VBP1: variants seen among roughly 807,000 people sequenced by gnomAD.
The protein encoded by VBP1 is prefoldin subunit 3.
Under a neutral mutation model 15.5 loss-of-function variants are expected in VBP1, and 4 were observed. The ratio of observed to expected loss-of-function variants is 0.26; its 90% CI spans 0.13 to 0.59. The LOEUF (loss-of-function observed/expected upper bound fraction) is 0.59. Among genes scored for constraint, VBP1 ranks in the 20% least tolerant of loss-of-function variants. The pLI, the probability that VBP1 is intolerant of heterozygous loss-of-function variation, is 0.90. For missense variants in VBP1, 108 were observed against 139.6 expected, an observed-to-expected ratio of 0.77 and a Z score of 1.14; for synonymous variants, 61 against 52.1, an observed-to-expected ratio of 1.17 and a Z score of -0.74.
intron 1 of VBP1, among the ~76,000 whole-genome samples, chrX:155,218,144 AT>A (rs1467180516): frequency 2.1e-4 from 24 of 111,658 alleles, no homozygotes; most frequent in African/African-American, 7.8e-4. Flanking sequence ...TGTCGTGGTT[AT>A]TTTTTTCTAG....
intron 1 of VBP1, among the ~76,000 whole-genome samples, chrX:155,206,515 T>C (rs781793148): frequency 9.0e-6 from 1 of 111,356 alleles, no homozygotes; most frequent in Non-Finnish European, 1.9e-5. Context: ...ATTACAGGTG[T>C]AAGCCACTGT....
intron 1 of VBP1, chrX:155,208,754 A>T: frequency 5.1e-6 from 2 of 395,267 alleles, no homozygotes; most frequent in Non-Finnish European, 4.2e-6. Flanking sequence ...ATTGATGCTT[A>T]TTAAATATTA....
intron 1 of VBP1, chrX:155,197,219 CTCTT>C (rs1267281989): frequency 1.8e-5 from 2 of 111,772 alleles, no homozygotes; most frequent in African/African-American, 3.2e-5. Context: ...AAAGTCACAA[CTCTT>C]TCTTTCTTAG....
intron 4 of VBP1, among the ~76,000 whole-genome samples, chrX:155,228,785 T>C (rs2074731988): frequency 8.9e-6 from 1 of 111,837 alleles, no homozygotes. Context: ...TTTATCTCTC[T>C]TAAATATAAT....
chrX:155,223,911 C>T (rs1253237650), intron 2 of VBP1, among the ~76,000 whole-genome samples: 3 of 110,102 alleles, frequency 2.7e-5, no homozygotes, highest in Non-Finnish European at 3.8e-5. Context: ...CGGAGGGGCT[C>T]CTCACCTCTC....
At chrX:155,215,509 C>T (rs1384354728), upstream of VBP1, among the ~76,000 whole-genome samples, 1 of 112,078 alleles carries the variant, frequency 8.9e-6, no homozygotes, top group Non-Finnish European at 1.9e-5. Context: ...CACAATATGA[C>T]GATACCAATT....
intron 2 of VBP1, among the ~76,000 whole-genome samples, chrX:155,223,169 G>T (rs1311462277): frequency 3.8e-5 from 2 of 53,313 alleles, no homozygotes; most frequent in Non-Finnish European, 3.5e-5. Context: ...TTGAATTTCT[G>T]TTCATAAGTG....
chrX:155,235,650 C>T (rs2074768433), intron 4 of VBP1, among the ~76,000 whole-genome samples: 1 of 112,138 alleles, frequency 8.9e-6, no homozygotes, highest in African/African-American at 3.2e-5. Flanking sequence ...TAAAAGCTAG[C>T]TGTCTTTTTT....
At chrX:155,231,933 T>G (rs1004474828) in intron 4 of VBP1, among the ~76,000 whole-genome samples, 15 of 111,934 alleles carry the variant, frequency 1.3e-4, no homozygotes, top group Non-Finnish European at 2.4e-4. Flanking sequence ...AGGCATATTT[T>G]TGTATGCTGC....
intron 4 of VBP1, among the ~76,000 whole-genome samples, chrX:155,228,923 G>T (rs1199610354): frequency 1.8e-5 from 2 of 112,363 alleles, no homozygotes; most frequent in Non-Finnish European, 3.8e-5. Flanking sequence ...ATTGCAAAAA[G>T]TTTGAGGTTA....
intron 1 of VBP1, among the ~76,000 whole-genome samples, chrX:155,219,404 C>T (rs2074678833): frequency 8.9e-6 from 1 of 112,031 alleles, no homozygotes; most frequent in Non-Finnish European, 1.9e-5. Flanking sequence ...TTCTTTTGAT[C>T]AGTTATTACT....
upstream of VBP1, among the ~76,000 whole-genome samples, chrX:155,214,768 C>CTTTTTTTTTTTTT (rs782556765): frequency 6.6e-3 from 548 of 82,992 alleles, 19 homozygotes; most frequent in African/African-American, 0.025. Flanking sequence ...TTTTCTTTTC[C>CTTTTTTTTTTTTT]TTTTTTTTTT....
upstream of VBP1, among the ~76,000 whole-genome samples, chrX:155,216,181 G>A (rs2074661792): frequency 1.8e-5 from 2 of 111,239 alleles, no homozygotes; most frequent in Non-Finnish European, 3.8e-5. Flanking sequence ...CCTATTCCTA[G>A]GGCTTTAGCA....
At chrX:155,206,320 G>A (rs917872946) in intron 1 of VBP1, among the ~76,000 whole-genome samples, 6 of 109,266 alleles carry the variant, frequency 5.5e-5, no homozygotes, top group Admixed American at 3.0e-4. Flanking sequence ...TGCAAGCTCC[G>A]CCCCTTGGGT....
rs781806426 is a variant in VBP1, at chrX:155,236,466, C to G, written c.523+99C>G. On this transcript the variant is annotated intron_variant, in intron 5 of 5. Transcript: ENST00000286428. ...AGAGGGAGAGCATTAGGAAAAATAG[C>G]TGATGCATGCTGGGCTTAATACCTA... The G allele has an allele frequency of 5.0e-5, 48 of 959,435 alleles. No individual in the cohort carries two copies. The African/African-American group carries it at 8.6e-4, about 17-fold the overall frequency. The allele number at this position is 959,435 out of a possible 1,213,427, so 79.1% of individuals were successfully genotyped here.
chrX:155,217,010 TTGTC>T (rs1445725925), intron 1 of VBP1, among the ~76,000 whole-genome samples: 1 of 111,999 alleles, frequency 8.9e-6, no homozygotes, highest in Admixed American at 9.4e-5. Flanking sequence ...GAATATCACT[TTGTC>T]TGTTGAAGGA....
chrX:155,227,034 T>C (rs2074722866), intron 2 of VBP1: 1 of 141,195 alleles, frequency 7.1e-6, no homozygotes, highest in Non-Finnish European at 1.5e-5. Flanking sequence ...ATATTTTCTT[T>C]TGGTGAATAT....
intron 1 of VBP1, among the ~76,000 whole-genome samples, chrX:155,219,713 C>T (rs2074679951): frequency 9.0e-6 from 1 of 111,273 alleles, no homozygotes; most frequent in Admixed American, 9.5e-5. Context: ...TCTTCTTTTC[C>T]TATTTTTGAA....
chrX:155,205,374 T>G (rs1321572116), intron 1 of VBP1, among the ~76,000 whole-genome samples: 1 of 111,715 alleles, frequency 9.0e-6, no homozygotes, highest in African/African-American at 3.3e-5. Context: ...CCCAAAGCTG[T>G]TCTACTTGCA....
Sources: gnomAD v4.1 joint callset for allele counts (sites outside exome capture counted in the v4.1 genomes callset) on GRCh38, gnomAD v4.1.1 for gene constraint, MANE v1.5 for transcripts, NCBI Gene and HGNC (gene_info 2026-07-23, HGNC 2026-07-21) for gene names.